Variants in POM121C observed in about 807,000 individuals in gnomAD.
The protein encoded by POM121C is POM121 transmembrane nucleoporin C.
POM121C carries 20 observed loss-of-function variants against 66.4 expected under a neutral mutation model. The observed-to-expected ratio is 0.30, with a 90% CI of 0.21 to 0.44. POM121C has a LOEUF of 0.44. POM121C is among the 20% of genes least tolerant of loss of function. The probability of loss-of-function intolerance (pLI) is 1.00; values close to 1 mark genes in which losing one functional copy is unlikely to be tolerated. For missense variants in POM121C, 580 were observed against 1,225.7 expected (o/e 0.47, Z 7.87); for synonymous variants, 286 against 528.0 (o/e 0.54, Z 6.28).
rs782485288 is a variant in POM121C, at chr7:75,441,468, A to G, written c.29T>C (p.Ile10Thr). The G allele has an allele frequency of 6.2e-7, 1 of 1,613,948 alleles. No individual in the cohort carries two copies. The highest frequency in any genetic ancestry group is 8.5e-7 in the Non-Finnish European group (1 of 1,179,870). Residue 10 changes from isoleucine to threonine, a missense_variant, in exon 4 of 15, where the codon ATC (isoleucine) becomes ACC (threonine). Coordinates refer to ENST00000615331, the MANE Select transcript of POM121C (RefSeq NM_001099415.3). ...TGAAAATCTTCTGTCAGGAGGGGCGATCCTCACAGTCACTGGGCTACACAC... is the reference window on the plus strand; with the variant it reads ...TGAAAATCTTCTGTCAGGAGGGGCGGTCCTCACAGTCACTGGGCTACACAC... MVCSPVTVRIAPPDRRFSRS... is the reference protein window; with the variant it reads MVCSPVTVRTAPPDRRFSRS...
Position 75,418,684 on chromosome 7 carries a change from G to C in POM121C, c.*112C>G. On this transcript the variant is annotated 3_prime_UTR_variant, in exon 15 of 15. Transcript: ENST00000615331. ...CTGCCCCCTGGCGGCTGAAGCCAGA[G>C]ATCCGGGGTAGGTTTGCTTTACGCA... is the stretch of plus-strand genomic sequence containing the variant. 4 of 1,384,408 alleles carry C rather than the reference G, an allele frequency of 2.9e-6. No homozygotes were observed. The South Asian group carries it at 4.9e-5, about 17-fold the overall frequency. 85.8% of individuals were successfully genotyped at this position (1,384,408 alleles called of 1,614,324 possible).
intron 1 of POM121C, among the ~76,000 whole-genome samples, chr7:75,477,622 T>G (rs1448828812): frequency 6.6e-6 from 1 of 152,010 alleles, no homozygotes; most frequent in African/African-American, 2.4e-5. Flanking sequence ...AAAAAAAAAT[T>G]TGGACATGGA....
In POM121C at chr7:75,441,562, C is replaced by A; in HGVS notation, c.-66G>T. The A allele has an allele frequency of 1.9e-6, 3 of 1,612,264 alleles. No homozygotes were observed. The highest frequency in any genetic ancestry group is 2.5e-6 in the Non-Finnish European group (3 of 1,179,018). On this transcript the variant is annotated 5_prime_UTR_variant, in exon 4 of 15. Coordinates refer to ENST00000615331, the MANE Select transcript of POM121C (RefSeq NM_001099415.3). ...CCATTCCAGCACACTGTGGGAAGTA[C>A]CCCCGGACAGGAATACTGGGTCTGA... is the stretch of plus-strand genomic sequence containing the variant.
intron 3 of POM121C, among the ~76,000 whole-genome samples, chr7:75,471,717 C>T (rs1791885709): frequency 6.6e-6 from 1 of 152,076 alleles, no homozygotes; most frequent in Non-Finnish European, 1.5e-5. Context: ...GGCGAAAGCA[C>T]GACCTGCCAG....
chr7:75,420,653 TCTC>T (rs1240960599), intron 13 of POM121C: 4 of 152,352 alleles, frequency 2.6e-5, no homozygotes, highest in Admixed American at 6.5e-5. Flanking sequence ...CCAGATTTTC[TCTC>T]CTACTTCACG....
rs781995234 is a variant in POM121C, at chr7:75,421,990, G to C, written c.2262C>G (p.Ile754Met). 6.2e-7 allele frequency: 1 copy of C among 1,613,934 alleles called. No homozygotes were observed. Among genetic ancestry groups the C allele is most frequent in the Non-Finnish European group, 8.5e-7 (1 of 1,179,882 alleles). ...TGGGCGTAGGCACGTGCGCAGGCACGATCTTGATCGTGGACGCAGGTGCAG... is the reference window on the plus strand; with the variant it reads ...TGGGCGTAGGCACGTGCGCAGGCACCATCTTGATCGTGGACGCAGGTGCAG... ...PTPAPASTIKIVPAHVPTPIQ... is the reference protein window; with the variant it reads ...PTPAPASTIKMVPAHVPTPIQ... Residue 754 changes from isoleucine to methionine, a missense_variant, in exon 13 of 15, where the codon ATC (isoleucine) becomes ATG (methionine). Coordinates refer to ENST00000615331, the MANE Select transcript of POM121C (RefSeq NM_001099415.3).
chr7:75,426,797 CAAAAAAAAA>C (rs543569250), intron 7 of POM121C, among the ~76,000 whole-genome samples: 24 of 61,088 alleles, frequency 3.9e-4, no homozygotes, highest in African/African-American at 1.3e-3. Flanking sequence ...GACCCTGTCT[CAAAAAAAAA>C]AAAAAAAAAA....
At chr7:75,476,290 C>CAAA (rs11426718) in intron 1 of POM121C, among the ~76,000 whole-genome samples, 14 of 116,496 alleles carry the variant, frequency 1.2e-4, no homozygotes, top group Non-Finnish European at 2.1e-4. Flanking sequence ...GACCTTGTCT[C>CAAA]AAAAAAAAAA....
intron 7 of POM121C, among the ~76,000 whole-genome samples, chr7:75,435,442 G>T (rs1790366392): frequency 6.6e-6 from 1 of 152,160 alleles, no homozygotes. Flanking sequence ...GATGGAAATT[G>T]AATTTTTGAG....
intron 3 of POM121C, among the ~76,000 whole-genome samples, chr7:75,452,914 G>A (rs1584688349): frequency 6.6e-6 from 1 of 152,144 alleles, no homozygotes; most frequent in African/African-American, 2.4e-5. Context: ...TCACCAACAG[G>A]TGGGTCAGGG....
chr7:75,440,094 T>TG (rs1218339683), intron 5 of POM121C, among the ~76,000 whole-genome samples: 2 of 151,640 alleles, frequency 1.3e-5, no homozygotes, highest in African/African-American at 2.4e-5. Context: ...TTGGCCAGGC[T>TG]GGTCTCGAAC....
chr7:75,451,001 A>G (rs1380483950), intron 3 of POM121C, among the ~76,000 whole-genome samples: 9 of 152,158 alleles, frequency 5.9e-5, no homozygotes, highest in Admixed American at 5.9e-4. Context: ...AAGGAGAACT[A>G]CAAACCACTG....
At chr7:75,465,752 C>CA (rs1172095677) in intron 3 of POM121C, among the ~76,000 whole-genome samples, 1,745 of 84,146 alleles carry the variant, frequency 0.021, 19 homozygotes, top group Middle Eastern at 0.08. Context: ...GACTCCATCT[C>CA]AAAAAAAAAA....
chr7:75,469,400 G>A (rs1791791217), intron 3 of POM121C, among the ~76,000 whole-genome samples: 2 of 152,016 alleles, frequency 1.3e-5, no homozygotes, highest in Non-Finnish European at 2.9e-5. Flanking sequence ...ACCTGGCCAG[G>A]TCTACTTTCA....
chr7:75,424,427 G>A, intron 11 of POM121C, 99 bp downstream of exon 11: 1 of 1,517,086 alleles, frequency 6.6e-7, no homozygotes, highest in Non-Finnish European at 9.1e-7. Context: ...CTCTACTTCG[G>A]ATTTTCCCAG....
At chr7:75,485,801 C>A (rs1792514462) in intron 1 of POM121C, 63 bp downstream of exon 1, 3 of 471,644 alleles carry the variant, frequency 6.4e-6, no homozygotes, top group Non-Finnish European at 1.3e-5. Context: ...ACTCAAAGGT[C>A]CCCAACACAA....
At chr7:75,444,249 A>G (rs1251544945) in intron 3 of POM121C, among the ~76,000 whole-genome samples, 125 of 32,444 alleles carry the variant, frequency 3.9e-3, no homozygotes, top group African/African-American at 0.013. Context: ...ACTTAATTTG[A>G]AAAAAAAAGG....
At chr7:75,463,382 C>G (rs1345788044) in intron 3 of POM121C, among the ~76,000 whole-genome samples, 1 of 151,592 alleles carries the variant, frequency 6.6e-6, no homozygotes, top group Non-Finnish European at 1.5e-5. Flanking sequence ...ACTGGCTAAG[C>G]CCTGAAGGAC....
In POM121C at chr7:75,474,802, G is replaced by C. The variant is rs587614008; in HGVS notation, c.-250C>G. The C allele has an allele frequency of 2.3e-5, 30 of 1,302,326 alleles. No individual in the cohort carries two copies. In the South Asian group the frequency reaches 3.7e-4, roughly 16 times the overall value. 80.7% of individuals were successfully genotyped at this position (1,302,326 alleles called of 1,614,324 possible). A position where few individuals can be genotyped will look rare whatever the true frequency, so the allele number is the denominator to read the frequency against. ...GTTTGGCTTGGTGATATCATATCTT[G>C]TTAATGGGAAAAGAAGAAGGACTTG... is the stretch of plus-strand genomic sequence containing the variant. On this transcript the variant is annotated 5_prime_UTR_variant, in exon 3 of 15. Transcript: ENST00000615331.
Sources: allele counts gnomAD v4.1 joint callset (sites outside exome capture counted in the v4.1 genomes callset), GRCh38; gene constraint gnomAD v4.1.1; transcripts MANE v1.5; gene names NCBI Gene and HGNC (gene_info 2026-07-23, HGNC 2026-07-21).